The following NOTCH4 variants were observed in gnomAD, a reference collection of about 807,000 sequenced individuals.
NOTCH4 encodes the protein neurogenic locus notch homolog protein 4.
Under a neutral mutation model 189.0 loss-of-function variants are expected in NOTCH4, and 138 were observed. The ratio of observed to expected loss-of-function variants is 0.73; its 90% CI spans 0.64 to 0.84. The LOEUF is 0.84. Ranked by LOEUF, NOTCH4 falls within the 40% of genes least tolerant of loss-of-function variation. The probability of loss-of-function intolerance (pLI) is 0.00; values close to 1 mark genes in which losing one functional copy is unlikely to be tolerated. For missense variants in NOTCH4, 2,286 were observed against 2,605.4 expected, an observed-to-expected ratio of 0.88 and a Z score of 2.67; for synonymous variants, 942 against 1,032.8, an observed-to-expected ratio of 0.91 and a Z score of 1.69.
intron 18 of NOTCH4, among the ~76,000 whole-genome samples, chr6:32,209,940 G>A (rs1216496864): frequency 6.6e-6 from 1 of 151,520 alleles, no homozygotes; most frequent in Non-Finnish European, 1.5e-5. Flanking sequence ...CCATAGATAC[G>A]TATGACTACC....
chr6:32,214,304 T>C (rs1447311625), intron 12 of NOTCH4, 49 bp from the exon 13 acceptor site: 1 of 1,600,306 alleles, frequency 6.2e-7, no homozygotes, highest in African/African-American at 1.3e-5. Context: ...CTACTGCTTA[T>C]GTTCCCCTCC....
In NOTCH4 at chr6:32,222,682, G is replaced by C; in HGVS notation, c.280C>G (p.Pro94Ala). The C allele has an allele frequency of 6.2e-7, 1 of 1,604,062 alleles. No individual in the cohort carries two copies. The highest frequency in any genetic ancestry group is 2.2e-5 in the East Asian group (1 of 44,798). ...AAGAAGCTGGGTGTCAATGGAGAGG[G>C]AGAGCTGGGGAGCCCTAGGGGAGCG... ...LPAPLGLPSS[P>A]SPLTPSFLCT... is the part of the protein sequence containing the mutation. Residue 94 changes from proline to alanine, a missense_variant, in exon 3 of 30, where the codon CCC becomes GCC. Coordinates refer to ENST00000375023, the MANE Select transcript of NOTCH4 (RefSeq NM_004557.4).
At chr6:32,219,870 C>T (rs1789639810) in intron 7 of NOTCH4, 84 bp from the exon 8 acceptor site, 1 of 1,197,392 alleles carries the variant, frequency 8.4e-7, no homozygotes, top group Admixed American at 2.3e-5. Flanking sequence ...GGTGTGGGGG[C>T]CTGCGTGTGG....
In NOTCH4 at chr6:32,202,005, G is replaced by A. The variant is rs1389310188; in HGVS notation, c.3755+71C>T. 2 of 1,359,738 alleles carry A rather than the reference G, an allele frequency of 1.5e-6. No homozygotes were observed. The highest frequency in any genetic ancestry group is 1.9e-6 in the Non-Finnish European group (2 of 1,037,738). 84.2% of individuals were successfully genotyped at this position (1,359,738 alleles called of 1,614,324 possible). Reference sequence around the variant, plus strand: ...GGCTGTGGCCACACTGTAACTCAGAGCCATCTACGTCCTTCCTCCTCCTCT... The same window carrying A: ...GGCTGTGGCCACACTGTAACTCAGAACCATCTACGTCCTTCCTCCTCCTCT... On this transcript the variant is annotated intron_variant, in intron 21 of 29. Transcript: ENST00000375023. This position sits in a 1 kb window ranked among gnomAD's most constrained non-coding sequence, Gnocchi z 5.7.
Position 32,212,619 on chromosome 6 carries a change from C to T in NOTCH4, c.2535G>A (p.Met845Ile). The part of the protein sequence containing the change: ...GYTGGSCQTL[M>I]DLCAQKPCPR... ...GGCAGGGCTTCTGGGCACATAAGTCCATCAGAGTCTGAGGGGTGGGAGGGA... is the reference window on the plus strand; with the variant it reads ...GGCAGGGCTTCTGGGCACATAAGTCTATCAGAGTCTGAGGGGTGGGAGGGA... Residue 845 changes from methionine (M) to isoleucine (I), a missense_variant, in exon 17 of 30, where the codon ATG becomes ATA. Coordinates refer to ENST00000375023, the MANE Select transcript of NOTCH4 (RefSeq NM_004557.4). This position sits in a 1 kb window ranked among gnomAD's most constrained non-coding sequence, Gnocchi z 4.4. 1 of 1,610,936 alleles carries T rather than the reference C, an allele frequency of 6.2e-7. No homozygotes were observed. The highest frequency in any genetic ancestry group is 1.1e-5 in the South Asian group (1 of 90,678).
chr6:32,217,375 G>C lies in NOTCH4; in HGVS notation c.1625-109C>G, dbSNP rs1789481867. 1.4e-6 allele frequency: 1 copy of C among 694,768 alleles called. No homozygotes were observed. 43.0% of individuals were successfully genotyped at this position (694,768 alleles called of 1,614,324 possible). A position where few individuals can be genotyped will look rare whatever the true frequency, so the allele number is the denominator to read the frequency against. On this transcript the variant is annotated intron_variant, in intron 9 of 29. Coordinates refer to ENST00000375023, the MANE Select transcript of NOTCH4 (RefSeq NM_004557.4). The surrounding 1 kb of genome is among the most constrained non-coding windows in gnomAD (Gnocchi z 4.2). ...TGAACTTGCAGAGCTTCCCAGAGAA[G>C]ACACCTGGGGCAGGTGAGCGTGGGG...
Position 32,210,625 on chromosome 6 carries a change from G to GGT in NOTCH4, c.2865+125_2865+126dup. 1.2e-6 allele frequency: 1 copy of GGT among 869,424 alleles called. No individual in the cohort carries two copies. Among genetic ancestry groups the GGT allele is most frequent in the South Asian group, 1.6e-5 (1 of 61,974 alleles). The allele number at this position is 869,424 out of a possible 1,614,324, so 53.9% of individuals were successfully genotyped here. A position where few individuals can be genotyped will look rare whatever the true frequency, so the allele number is the denominator to read the frequency against. ...AGTGGCATGACTTTGTGGTTAGTTGGGTGTGTGGGGTTAAAAAAAATAAAA... is the reference window on the plus strand; with the variant it reads ...AGTGGCATGACTTTGTGGTTAGTTGGGTGTGTGTGGGGTTAAAAAAAATAAAA... On this transcript the variant is annotated intron_variant, in intron 18 of 29. Transcript: ENST00000375023. This position sits in a 1 kb window ranked among gnomAD's most constrained non-coding sequence, Gnocchi z 4.8.
chr6:32,214,226 G>T lies in NOTCH4; in HGVS notation c.2051C>A (p.Thr684Lys), dbSNP rs780829867. ...TAGCTCTGCCTCACACTCTGGCCCC[G>T]TCCAACCCACGTCACACACACATGA... is the stretch of plus-strand genomic sequence containing the variant. Reference protein sequence around the residue: ...RSSCVCDVGWTGPECEAELGG... With the variant: ...RSSCVCDVGWKGPECEAELGG... The change falls in exon 13 of 30, where the codon ACG (threonine) becomes AAG (lysine). Residue 684 changes from threonine (T) to lysine (K), a missense_variant. By Grantham distance (78) the Thr-to-Lys change is moderately conservative. Around this residue, in one of 2 missense-constraint regions of NOTCH4, gnomAD observed 1,903 missense variants for 2,261.9 expected, o/e 0.84. Transcript: ENST00000375023. The T allele has an allele frequency of 5.6e-6, 9 of 1,613,324 alleles. No individual in the cohort carries two copies. Among genetic ancestry groups the T allele is most frequent in the Admixed American group, 5.0e-5 (3 of 59,920 alleles).
In NOTCH4 at chr6:32,196,311, T is replaced by C; in HGVS notation, c.5298+13A>G. ...CCTGACTGTTTTGTGGGAAGCCCTCTGTCCCATCTAACCCTGTTGTCCTGG... is the reference window on the plus strand; with the variant it reads ...CCTGACTGTTTTGTGGGAAGCCCTCCGTCCCATCTAACCCTGTTGTCCTGG... On this transcript the variant is annotated intron_variant, in intron 29 of 29. Coordinates refer to ENST00000375023, the MANE Select transcript of NOTCH4 (RefSeq NM_004557.4). 6.2e-7 allele frequency: 1 copy of C among 1,613,162 alleles called. No individual in the cohort carries two copies. Among genetic ancestry groups the C allele is most frequent in the Non-Finnish European group, 8.5e-7 (1 of 1,180,040 alleles).
chr6:32,205,547 C>CAAAAAAAAAAA (rs9281672), intron 18 of NOTCH4, among the ~76,000 whole-genome samples: 2 of 52,182 alleles, frequency 3.8e-5, no homozygotes, highest in African/African-American at 8.4e-5. Context: ...GATGCTGTCT[C>CAAAAAAAAAAA]AAAAAAAAAA....
chr6:32,212,973 T>C lies in NOTCH4; in HGVS notation c.2439-62A>G. On this transcript the variant is annotated intron_variant, in intron 15 of 29. Transcript: ENST00000375023. The surrounding 1 kb of genome is among the most constrained non-coding windows in gnomAD (Gnocchi z 4.4). Reference sequence around the variant, plus strand: ...TTCGGGCAACAAGGGGAAGGTAGTGTGTGATATTGTCGGGAGGCAACCACA... The same window carrying C: ...TTCGGGCAACAAGGGGAAGGTAGTGCGTGATATTGTCGGGAGGCAACCACA... 1 of 1,466,576 alleles carries C rather than the reference T, an allele frequency of 6.8e-7. No homozygotes were observed. Among genetic ancestry groups the C allele is most frequent in the East Asian group, 2.3e-5 (1 of 43,812 alleles). 90.8% of individuals were successfully genotyped at this position (1,466,576 alleles called of 1,614,324 possible).
chr6:32,216,855 C>G (rs1378000957), intron 11 of NOTCH4, 90 bp downstream of exon 11: 1 of 1,414,900 alleles, frequency 7.1e-7, no homozygotes, highest in Non-Finnish European at 1.0e-6. Flanking sequence ...TTCTCACATC[C>G]CAACCATCAA....
In NOTCH4 at chr6:32,217,175, G is replaced by C. The variant is rs1040256180; in HGVS notation, c.1716C>G (p.Ala572=). Residue 572 remains alanine, a synonymous_variant, in exon 10 of 30, where the codon GCC becomes GCG. Transcript: ENST00000375023. This position sits in a 1 kb window ranked among gnomAD's most constrained non-coding sequence, Gnocchi z 4.2. ...NGGQCQDQPG[A]FHCKCLPGFE... ...TACCTGGGAGACACTTGCAGTGGAAGGCTCCAGGCTGGTCCTGGCACTGCC... is the reference window on the plus strand; with the variant it reads ...TACCTGGGAGACACTTGCAGTGGAACGCTCCAGGCTGGTCCTGGCACTGCC... The C allele has an allele frequency of 1.2e-6, 2 of 1,612,902 alleles. No homozygotes were observed. Among genetic ancestry groups the C allele is most frequent in the African/African-American group, 2.7e-5 (2 of 74,936 alleles).
At position 32,220,119 on chromosome 6, in the gene NOTCH4, G is replaced by A. The variant is rs1789656054; in HGVS notation, c.1315+10C>T. The A allele has an allele frequency of 6.2e-7, 1 of 1,612,680 alleles. No individual in the cohort carries two copies. Among genetic ancestry groups the A allele is most frequent in the Non-Finnish European group, 8.5e-7 (1 of 1,179,770 alleles). On this transcript the variant is annotated intron_variant, in intron 7 of 29. Transcript: ENST00000375023. ...GGCTCAGAGAGGCTCTGAAGTGGGA[G>A]TGGCCTCACCCATCAGACACTCGTC...
rs537609544 is a variant in NOTCH4, at chr6:32,200,502, C to T, written c.4315+329G>A. 2.0e-5 allele frequency among the ~76,000 whole-genome samples: 3 copies of T among 152,332 alleles called. No homozygotes were observed. Among genetic ancestry groups the T allele is most frequent in the African/African-American group, 2.4e-5 (1 of 41,560 alleles). ...GGGATTATAGGCATGAGCCACTGCG[C>T]CCAGCCTATTATTCTTTCATGTACT... On this transcript the variant is annotated intron_variant, in intron 23 of 29. Coordinates refer to ENST00000375023, the MANE Select transcript of NOTCH4 (RefSeq NM_004557.4). The surrounding 1 kb of genome is among the most constrained non-coding windows in gnomAD (Gnocchi z 5.0).
chr6:32,212,589 G>T lies in NOTCH4; in HGVS notation c.2565C>A (p.Arg855=). 1 of 1,613,134 alleles carries T rather than the reference G, an allele frequency of 6.2e-7. No individual in the cohort carries two copies. Among genetic ancestry groups the T allele is most frequent in the African/African-American group, 1.3e-5 (1 of 75,050 alleles). Residue 855 remains arginine, a synonymous_variant, in exon 17 of 30, where the codon CGC becomes CGA. Transcript: ENST00000375023. The surrounding 1 kb of genome is among the most constrained non-coding windows in gnomAD (Gnocchi z 4.4). ...GCCCAGTCTGGAGGCAGTGGGAATT[G>T]CGTGGGCAGGGCTTCTGGGCACATA... The part of the protein sequence containing the change: ...MDLCAQKPCP[R]NSHCLQTGPS...
Position 32,224,030 on chromosome 6 carries a change from CTCT to C in NOTCH4, c.-105_-103del, listed in dbSNP as rs1273704966. The C allele has an allele frequency of 8.3e-7, 1 of 1,200,708 alleles. No individual in the cohort carries two copies. Among genetic ancestry groups the C allele is most frequent in the Non-Finnish European group, 1.1e-6 (1 of 879,654 alleles). The allele number at this position is 1,200,708 out of a possible 1,614,324, so 74.4% of individuals were successfully genotyped here. On this transcript the variant is annotated 5_prime_UTR_variant, in exon 1 of 30. Coordinates refer to ENST00000375023, the MANE Select transcript of NOTCH4 (RefSeq NM_004557.4). ...GCCACCTCCTCTGCTCCCACTGCCCCTCTTCTTCCTCCTCGGCCTGCTGCAAGC... is the reference window on the plus strand; with the variant it reads ...GCCACCTCCTCTGCTCCCACTGCCCCTCTTCCTCCTCGGCCTGCTGCAAGC...
rs2127461015 is a variant in NOTCH4, at chr6:32,197,372, G to T, written c.4979C>A (p.Pro1660His). 1 of 1,537,284 alleles carries T rather than the reference G, an allele frequency of 6.5e-7. No homozygotes were observed. ...ARRLLEAGAN[P>H]NQPDRAGRTP... is the part of the protein sequence containing the mutation. ...GCGCCCTGCCCGGTCTGGCTGGTTG[G>T]GGTTGGCTCCAGCCTCAAGGAGGCG... Residue 1660 changes from proline (P) to histidine (H), a missense_variant, in exon 27 of 30, where the codon CCC becomes CAC. Transcript: ENST00000375023.
At chr6:32,220,936 C>G (rs8192587) in intron 4 of NOTCH4, 42 bp downstream of exon 4, 37,642 of 1,595,952 alleles carry the variant, frequency 0.024, 548 homozygotes, top group South Asian at 0.034. Context: ...TCCTGCCCTG[C>G]CCAGAGAGAG....
Sources: gnomAD v4.1 joint callset for allele counts (sites outside exome capture counted in the v4.1 genomes callset) on GRCh38, gnomAD v4.1.1 for gene constraint, gnomAD v4.1.1 regional missense constraint, Gnocchi (gnomAD v3.1) non-coding constraint, MANE v1.5 for transcripts, NCBI Gene and HGNC (gene_info 2026-07-23, HGNC 2026-07-21) for gene names.